The following COPA variants were observed in gnomAD, a reference collection of about 807,000 sequenced individuals.
COPA encodes the protein coat protein complex I subunit alpha.
Under a neutral mutation model 158.7 loss-of-function variants are expected in COPA, and 10 were observed. That is an observed-to-expected ratio of 0.06 (90% CI 0.04 to 0.11). COPA has a LOEUF of 0.11. Ranked by LOEUF, COPA falls within the 10% of genes least tolerant of loss-of-function variation. The pLI, the probability that COPA is intolerant of heterozygous loss-of-function variation, is 1.00. For synonymous variants in COPA, 462 were observed against 542.8 expected, an observed-to-expected ratio of 0.85 and a Z score of 2.07; for missense variants, 1,065 against 1,536.7, an observed-to-expected ratio of 0.69 and a Z score of 5.13.
At chr1:160,320,001 C>T (rs1238285244) in intron 8 of COPA, among the ~76,000 whole-genome samples, 1 of 141,754 alleles carries the variant, frequency 7.1e-6, no homozygotes, top group Non-Finnish European at 1.5e-5. Flanking sequence ...ACAAGCCAAA[C>T]CCTAAATTAG....
Position 160,335,736 on chromosome 1 carries a change from AGCCAG to A in COPA, c.229-419_229-415del, listed in dbSNP as rs1647726798. ...GTCTCTACTAAAAATACAAAAAATT[AGCCAG>A]GCGTGGTGGCATGTGCCTGTAGTCC... On this transcript the variant is annotated intron_variant, in intron 3 of 32. Transcript: ENST00000241704. Among the ~76,000 whole-genome samples, 3 of 151,832 alleles carry A rather than the reference AGCCAG, an allele frequency of 2.0e-5. No homozygotes were observed. In the South Asian group the frequency reaches 6.2e-4, roughly 32 times the overall value.
intron 12 of COPA, among the ~76,000 whole-genome samples, chr1:160,309,715 G>A (rs998322589): frequency 2.7e-5 from 4 of 149,934 alleles, no homozygotes; most frequent in South Asian, 2.1e-4. Flanking sequence ...ACTTGGCCAC[G>A]AGGGCACTAA....
intron 8 of COPA, 91 bp downstream of exon 8, chr1:160,323,339 GA>G: frequency 1.1e-6 from 1 of 886,694 alleles, no homozygotes. Context: ...ACCTAAGGTA[GA>G]AAAATAGGTC....
At chr1:160,300,830 A>G (rs1343790225) in intron 17 of COPA, among the ~76,000 whole-genome samples, 3 of 152,340 alleles carry the variant, frequency 2.0e-5, no homozygotes, top group South Asian at 2.1e-4. Flanking sequence ...AACATTTATA[A>G]AAAATCAGCT....
chr1:160,292,843 ATTG>A lies in COPA; in HGVS notation c.2824-226_2824-224del, dbSNP rs545947042. Among the ~76,000 whole-genome samples, 41 of 152,316 alleles carry A rather than the reference ATTG, an allele frequency of 2.7e-4. No individual in the cohort carries two copies. The East Asian group carries it at 7.1e-3, about 26-fold the overall frequency. On this transcript the variant is annotated intron_variant, in intron 27 of 32. Coordinates refer to ENST00000241704, the MANE Select transcript of COPA (RefSeq NM_004371.4). ...TAGCAGTTATTGCAGTGTTATCATT[ATTG>A]TTGTTATTATAACAATACTGGCTTA... is the stretch of plus-strand genomic sequence containing the variant.
chr1:160,298,605 G>A (rs1356473106), intron 19 of COPA, among the ~76,000 whole-genome samples: 1 of 152,172 alleles, frequency 6.6e-6, no homozygotes, highest in Non-Finnish European at 1.5e-5. Context: ...TATCCTAGAA[G>A]TTACTGAATT....
At chr1:160,313,607 G>C (rs1026691973) in intron 9 of COPA, among the ~76,000 whole-genome samples, 4 of 151,958 alleles carry the variant, frequency 2.6e-5, no homozygotes, top group African/African-American at 9.7e-5. Flanking sequence ...GTAGAGACGG[G>C]GTTTCATTGT....
chr1:160,328,829 C>T (rs1464344482), intron 6 of COPA, among the ~76,000 whole-genome samples: 2 of 152,124 alleles, frequency 1.3e-5, no homozygotes, highest in Non-Finnish European at 2.9e-5. Flanking sequence ...TTAAGCTAAG[C>T]CCTGTGGGGT....
intron 8 of COPA, among the ~76,000 whole-genome samples, chr1:160,314,931 A>G (rs1361859230): frequency 6.6e-6 from 1 of 152,216 alleles, no homozygotes; most frequent in Non-Finnish European, 1.5e-5. Context: ...AAATAAGGGT[A>G]CCACCACAGG....
rs1658278878 is a variant in COPA, at chr1:160,292,640, AC to A, written c.2824-21del. 1.3e-6 allele frequency: 2 copies of A among 1,567,848 alleles called. No homozygotes were observed. Among genetic ancestry groups the A allele is most frequent in the African/African-American group, 2.8e-5 (2 of 72,420 alleles). ...AAGGAGCTGGAACAGAAGGAAAGAA[AC>A]AAGGATTTTGGCCCTGCTGCATAAA... On this transcript the variant is annotated intron_variant, in intron 27 of 32. Coordinates refer to ENST00000241704, the MANE Select transcript of COPA (RefSeq NM_004371.4).
In COPA at chr1:160,341,110, T is replaced by C. The variant is rs1227023620; in HGVS notation, c.41-816A>G. On this transcript the variant is annotated intron_variant, in intron 1 of 32. Coordinates refer to ENST00000241704, the MANE Select transcript of COPA (RefSeq NM_004371.4). ...ATGAACCTTTGTTTCATACATTTTG[T>C]TCAGTTGTATAGTTAAGGTGGGAAG... Among the ~76,000 whole-genome samples the C allele has an allele frequency of 2.6e-5, 4 of 152,240 alleles. No homozygotes were observed. The East Asian group carries it at 7.7e-4, about 29-fold the overall frequency.
chr1:160,319,525 G>C (rs545575994), intron 8 of COPA, among the ~76,000 whole-genome samples: 2 of 148,838 alleles, frequency 1.3e-5, no homozygotes, highest in South Asian at 4.3e-4. Flanking sequence ...CTACATACTA[G>C]ATCTAATAGG....
intron 26 of COPA, 30 bp from the exon 27 acceptor site, chr1:160,293,264 G>A (rs1242977350): frequency 6.2e-7 from 1 of 1,613,742 alleles, no homozygotes; most frequent in South Asian, 1.1e-5. Flanking sequence ...CCCAAGCCAA[G>A]TGAAACTTTG....
intron 14 of COPA, 46 bp downstream of exon 14, chr1:160,307,107 ACAGGCCACTG>A: frequency 1.3e-6 from 2 of 1,540,178 alleles, no homozygotes; most frequent in East Asian, 2.2e-5. Context: ...TTTGCAATAC[ACAGGCCACTG>A]CCACCACACT....
intron 11 of COPA, chr1:160,310,505 G>T: frequency 3.4e-6 from 1 of 292,352 alleles, no homozygotes; most frequent in African/African-American, 2.2e-5. Flanking sequence ...TTCAACAGAA[G>T]GTAGGTAGGG....
rs1802778 is a variant in COPA, at chr1:160,333,626, G to T, written c.363C>A (p.Asn121Lys). 2 of 1,612,414 alleles carry T rather than the reference G, an allele frequency of 1.2e-6. No homozygotes were observed. The highest frequency in any genetic ancestry group is 1.1e-5 in the South Asian group (1 of 90,842). Residue 121 changes from asparagine (N) to lysine (K), a missense_variant, in exon 5 of 33, where the codon AAC (asparagine) becomes AAA (lysine). Physicochemically the swap from Asn to Lys is moderately conservative, Grantham distance 94 (BLOSUM62 0). Around this residue, in one of 2 missense-constraint regions of COPA, gnomAD observed 85 missense variants for 178.9 expected, o/e 0.48. Transcript: ENST00000241704. ...ASDDQTIRVW[N>K]WQSRTCVCVL... The stretch of plus-strand genomic sequence containing the variant: ...ACCAAACACAGGTTCTAGATTGCCA[G>T]TTCCACACTCGGATGGTCTGATCAT...
intron 21 of COPA, 51 bp downstream of exon 21, chr1:160,297,292 G>A: frequency 5.2e-6 from 8 of 1,539,880 alleles, no homozygotes; most frequent in Non-Finnish European, 7.2e-6. Context: ...AACAAAAACA[G>A]AAAAATACTT....
At chr1:160,294,417 C>A (rs146475810) in intron 25 of COPA, 67 bp downstream of exon 25, 4 of 1,364,920 alleles carry the variant, frequency 2.9e-6, no homozygotes, top group Non-Finnish European at 4.2e-6. Flanking sequence ...TGGTAGGGGA[C>A]AATAAGGCCT....
At chr1:160,329,428 G>A (rs961625745) in intron 6 of COPA, among the ~76,000 whole-genome samples, 2 of 152,000 alleles carry the variant, frequency 1.3e-5, no homozygotes, top group African/African-American at 4.8e-5. Flanking sequence ...TCTCTTCTCT[G>A]ATCTAGGGCC....
Sources: gnomAD v4.1 joint callset for allele counts (sites outside exome capture counted in the v4.1 genomes callset) on GRCh38, gnomAD v4.1.1 for gene constraint, gnomAD v4.1.1 regional missense constraint, MANE v1.5 for transcripts, NCBI Gene and HGNC (gene_info 2026-07-23, HGNC 2026-07-21) for gene names.